The following ADGRL3 variants were observed in gnomAD, a reference collection of about 807,000 sequenced individuals.
ADGRL3 encodes the protein adhesion G protein-coupled receptor L3.
Under a neutral mutation model 153.5 loss-of-function variants are expected in ADGRL3, and 62 were observed. The ratio of observed to expected loss-of-function variants is 0.40; its 90% CI spans 0.33 to 0.50. The LOEUF is 0.50. Among genes scored for constraint, ADGRL3 ranks in the 20% least tolerant of loss-of-function variants. The probability of loss-of-function intolerance (pLI) is 0.47; values close to 1 mark genes in which losing one functional copy is unlikely to be tolerated. For missense variants in ADGRL3, 1,641 were observed against 1,859.4 expected (o/e 0.88, Z 2.16); for synonymous variants, 710 against 672.5 (o/e 1.06, Z -0.86).
At chr4:61,497,519 T>TC (rs1335360764) in intron 3 of ADGRL3, among the ~76,000 whole-genome samples, 171 bp downstream of exon 3, 1 of 144,456 alleles carries the variant, frequency 6.9e-6, no homozygotes, top group African/African-American at 2.5e-5. Context: ...TCTTTTCTTT[T>TC]TTTTTTTTTT....
At chr4:61,385,642 A>G (rs2096727345) in intron 2 of ADGRL3, 1 of 152,154 alleles carries the variant, frequency 6.6e-6, no homozygotes, top group Non-Finnish European at 1.5e-5. Flanking sequence ...GCAGTACTTC[A>G]TCTTTCTCAC....
intron 4 of ADGRL3, among the ~76,000 whole-genome samples, chr4:61,541,963 T>C (rs2098692363): frequency 6.6e-6 from 1 of 152,136 alleles, no homozygotes; most frequent in Non-Finnish European, 1.5e-5. Flanking sequence ...TGTTTTGTGA[T>C]AATGTGATGT....
intron 6 of ADGRL3, chr4:61,677,388 G>T: frequency 2.4e-6 from 1 of 421,898 alleles, no homozygotes; most frequent in East Asian, 6.8e-5. Context: ...TCATCCAGAA[G>T]GAGTAGACCA....
intron 8 of ADGRL3, among the ~76,000 whole-genome samples, chr4:61,773,585 A>G (rs1276193386): frequency 1.3e-5 from 2 of 152,200 alleles, no homozygotes; most frequent in African/African-American, 4.8e-5. Context: ...CGTTGCAGGT[A>G]CTGTGCTTAT....
chr4:61,373,134 T>A (rs1257867163), intron 1 of ADGRL3, among the ~76,000 whole-genome samples: 1 of 152,122 alleles, frequency 6.6e-6, no homozygotes, highest in African/African-American at 2.4e-5. Flanking sequence ...TGTCTGGCAC[T>A]CCCTAGTGAG....
intron 1 of ADGRL3, among the ~76,000 whole-genome samples, chr4:61,251,774 T>C (rs1404177770): frequency 7.4e-6 from 1 of 135,938 alleles, no homozygotes; most frequent in Non-Finnish European, 1.6e-5. Context: ...CTCTCAACTC[T>C]AGGATTTTTT....
intron 25 of ADGRL3, among the ~76,000 whole-genome samples, chr4:62,051,456 C>G (rs76185962): frequency 0.026 from 3,972 of 151,144 alleles, 186 homozygotes; most frequent in African/African-American, 0.093. Context: ...TGATGTCCAT[C>G]AATCCAGGGC....
chr4:61,959,868 A>G (rs972280947), intron 17 of ADGRL3, among the ~76,000 whole-genome samples: 1 of 152,152 alleles, frequency 6.6e-6, no homozygotes, highest in Non-Finnish European at 1.5e-5. Flanking sequence ...TCTTACACTC[A>G]TTTTGTATTT....
chr4:61,364,188 C>A (rs1169386001), intron 1 of ADGRL3, among the ~76,000 whole-genome samples: 1 of 151,778 alleles, frequency 6.6e-6, no homozygotes, highest in African/African-American at 2.4e-5. Flanking sequence ...AAAAAATTAG[C>A]TGGGCATGGT....
intron 8 of ADGRL3, among the ~76,000 whole-genome samples, chr4:61,766,863 T>C (rs1474369889): frequency 6.6e-6 from 1 of 151,996 alleles, no homozygotes; most frequent in Non-Finnish European, 1.5e-5. Context: ...ACGGGGTGGA[T>C]AGGCAAAACA....
At chr4:61,781,229 G>A (rs936371127) in intron 8 of ADGRL3, among the ~76,000 whole-genome samples, 1 of 151,680 alleles carries the variant, frequency 6.6e-6, no homozygotes, top group Non-Finnish European at 1.5e-5. Context: ...GGGAGGCTGA[G>A]GCAGGAGAAT....
chr4:61,245,777 T>C (rs982125897), intron 1 of ADGRL3, among the ~76,000 whole-genome samples: 2 of 152,112 alleles, frequency 1.3e-5, no homozygotes, highest in African/African-American at 2.4e-5. Flanking sequence ...AACACATCAC[T>C]GTGTAGTAAT....
chr4:61,895,800 G>A lies in ADGRL3; in HGVS notation c.1853G>A (p.Cys618Tyr). The A allele has an allele frequency of 6.3e-7, 1 of 1,597,872 alleles. No homozygotes were observed. The highest frequency in any genetic ancestry group is 1.1e-5 in the South Asian group (1 of 88,340). ...WDPQGPDLSN[C>Y]SSPWVNHITQ... Reference sequence around the variant, plus strand: ...CCCCAAGGTCCAGATCTCAGCAACTGTTCTTCTCCTTGGGTCAATCATATA... The same window carrying A: ...CCCCAAGGTCCAGATCTCAGCAACTATTCTTCTCCTTGGGTCAATCATATA... The change falls in exon 11 of 27, where the codon TGT becomes TAT. Residue 618 changes from cysteine (C) to tyrosine (Y), a missense_variant. Transcript: ENST00000683033.
At chr4:61,394,446 A>C (rs1485210360) in intron 2 of ADGRL3, among the ~76,000 whole-genome samples, 1 of 152,018 alleles carries the variant, frequency 6.6e-6, no homozygotes. Context: ...GCACTGATGA[A>C]AAGTTCAAAT....
chr4:61,431,222 A>C (rs899876593), intron 2 of ADGRL3, among the ~76,000 whole-genome samples: 2 of 152,188 alleles, frequency 1.3e-5, no homozygotes, highest in Non-Finnish European at 2.9e-5. Flanking sequence ...ATCGGAAATA[A>C]ATTTCACTGA....
intron 8 of ADGRL3, among the ~76,000 whole-genome samples, chr4:61,812,046 G>A (rs1433440484): frequency 6.6e-6 from 1 of 152,134 alleles, no homozygotes; most frequent in Non-Finnish European, 1.5e-5. Context: ...AAACCAATCT[G>A]TATGTAATGA....
intron 5 of ADGRL3, among the ~76,000 whole-genome samples, chr4:61,653,161 C>T: frequency 9.4e-6 from 1 of 106,888 alleles, no homozygotes; most frequent in South Asian, 3.7e-4. Context: ...GTCTCTCTCT[C>T]TCTCTCTCTC....
At chr4:61,834,229 G>C (rs2097908034) in intron 9 of ADGRL3, among the ~76,000 whole-genome samples, 1 of 150,828 alleles carries the variant, frequency 6.6e-6, no homozygotes, top group Non-Finnish European at 1.5e-5. Flanking sequence ...TTTTGTCCTT[G>C]CGATAGTTTG....
At chr4:61,353,567 T>A (rs2096095833) in intron 1 of ADGRL3, among the ~76,000 whole-genome samples, 1 of 151,652 alleles carries the variant, frequency 6.6e-6, no homozygotes, top group Non-Finnish European at 1.5e-5. Flanking sequence ...ACTACAGATG[T>A]GTACCACCAC....
Sources: gnomAD v4.1 joint callset for allele counts (sites outside exome capture counted in the v4.1 genomes callset) on GRCh38, gnomAD v4.1.1 for gene constraint, MANE v1.5 for transcripts, NCBI Gene and HGNC (gene_info 2026-07-23, HGNC 2026-07-21) for gene names.